Variants in ATG7 observed in about 807,000 individuals in gnomAD.
ATG7 encodes the protein autophagy related 7.
In ATG7, 70 loss-of-function variants were observed where a neutral mutation model predicts 82.4. The observed-to-expected ratio is 0.85, with a 90% CI of 0.70 to 1.04. The LOEUF is 1.04. Ranked by LOEUF, ATG7 falls within the 50% of genes least tolerant of loss-of-function variation. The pLI, the probability that ATG7 is intolerant of heterozygous loss-of-function variation, is 0.00. For synonymous variants in ATG7, 287 were observed against 313.0 expected (o/e 0.92, Z 0.88); for missense variants, 792 against 864.3 (o/e 0.92, Z 1.05).
At chr3:11,573,387 GAAAGAAAGAAAA>G in the ATG7 span, among the ~76,000 whole-genome samples, 6 of 147,090 alleles carry the variant, frequency 4.1e-5, no homozygotes, top group African/African-American at 1.5e-4. Flanking sequence ...AAGAAAGAAA[GAAAGAAAGAAAA>G]TGGCCCCATA....
intron 20 of ATG7, among the ~76,000 whole-genome samples, chr3:11,485,034 T>C (rs1045407368): frequency 2.2e-4 from 33 of 152,158 alleles, no homozygotes; most frequent in Non-Finnish European, 4.3e-4. Flanking sequence ...AGCAGCATGA[T>C]TTATAGTCCT....
chr3:11,533,539 TAA>T (rs66794993), intron 20 of ATG7, among the ~76,000 whole-genome samples: 2,119 of 126,628 alleles, frequency 0.017, 37 homozygotes, highest in African/African-American at 0.047. Flanking sequence ...CCCCTTCTGT[TAA>T]AAAAAAAAAA....
Position 11,418,278 on chromosome 3 carries a change from T to C in ATG7, c.1957-8526T>C, listed in dbSNP as rs2081588290. ...TGTCACCATACCTGGCTATTTTTTT[T>C]TTTTTTTATATTTTGTAGAGACCTG... On this transcript the variant is annotated intron_variant, in intron 19 of 20. Transcript: ENST00000693202. 5.3e-5 allele frequency among the ~76,000 whole-genome samples: 8 copies of C among 151,498 alleles called. No individual in the cohort carries two copies. In the South Asian group the frequency reaches 1.7e-3, roughly 32 times the overall value.
chr3:11,570,968 C>T, the ATG7 span, among the ~76,000 whole-genome samples: 1 of 152,210 alleles, frequency 6.6e-6, no homozygotes, highest in South Asian at 2.1e-4. Context: ...AGCTGCGTCA[C>T]TCCTCTGTGC....
At chr3:11,476,859 C>A (rs577029612) in intron 20 of ATG7, among the ~76,000 whole-genome samples, 1 of 152,062 alleles carries the variant, frequency 6.6e-6, no homozygotes, top group African/African-American at 2.4e-5. Flanking sequence ...AACATGACTC[C>A]ACTCCCTTGT....
At chr3:11,319,155 T>C (rs548719401) in intron 9 of ATG7, among the ~76,000 whole-genome samples, 5 of 152,218 alleles carry the variant, frequency 3.3e-5, no homozygotes, top group Non-Finnish European at 7.3e-5. Context: ...AGAAGGCTTT[T>C]GCCGGGGGCA....
intron 20 of ATG7, among the ~76,000 whole-genome samples, chr3:11,480,758 G>A (rs1234785888): frequency 6.6e-6 from 1 of 152,188 alleles, no homozygotes; most frequent in African/African-American, 2.4e-5. Context: ...TCACTGCCAA[G>A]TCACACAAAT....
chr3:11,389,419 A>G (rs1464282862), intron 19 of ATG7, among the ~76,000 whole-genome samples: 1 of 140,144 alleles, frequency 7.1e-6, no homozygotes, highest in African/African-American at 2.6e-5. Context: ...TTCTTTCATT[A>G]TGAAAGTTTT....
chr3:11,406,240 C>G (rs187125088), intron 19 of ATG7, among the ~76,000 whole-genome samples: 1 of 152,202 alleles, frequency 6.6e-6, no homozygotes, highest in African/African-American at 2.4e-5. Context: ...TCTGCCCACC[C>G]CAGCCTCTCA....
intron 18 of ATG7, among the ~76,000 whole-genome samples, chr3:11,370,803 C>T (rs973138830): frequency 3.3e-5 from 5 of 151,054 alleles, no homozygotes; most frequent in Non-Finnish European, 3.0e-5. Context: ...TAATTGAATC[C>T]ACCTGATAGG....
chr3:11,512,325 G>A (rs1485379670), intron 20 of ATG7, among the ~76,000 whole-genome samples: 6 of 152,170 alleles, frequency 3.9e-5, no homozygotes, highest in Non-Finnish European at 5.9e-5. Flanking sequence ...GTCAGGCTCC[G>A]AGTTCCACCT....
At chr3:11,390,904 C>G (rs1473848140) in intron 19 of ATG7, among the ~76,000 whole-genome samples, 3 of 152,204 alleles carry the variant, frequency 2.0e-5, no homozygotes, top group Non-Finnish European at 4.4e-5. Flanking sequence ...TGAGCACTGG[C>G]TTTATCTGCT....
At chr3:11,411,826 C>G (rs539007457) in intron 19 of ATG7, among the ~76,000 whole-genome samples, 1 of 151,984 alleles carries the variant, frequency 6.6e-6, no homozygotes, top group South Asian at 2.1e-4. Context: ...CCTGTGTTTT[C>G]TTCTAAAAGT....
intron 19 of ATG7, among the ~76,000 whole-genome samples, chr3:11,394,405 A>G (rs2079050375): frequency 6.6e-6 from 1 of 152,342 alleles, no homozygotes; most frequent in African/African-American, 2.4e-5. Flanking sequence ...TCAAATCACT[A>G]TTATAAGGAG....
intron 20 of ATG7, among the ~76,000 whole-genome samples, chr3:11,537,627 G>A (rs2070432580): frequency 6.6e-6 from 1 of 152,088 alleles, no homozygotes; most frequent in Admixed American, 6.6e-5. Context: ...CATGCAACAC[G>A]AACTCCTCAG....
the ATG7 span, chr3:11,564,810 C>T: frequency 6.4e-7 from 1 of 1,567,234 alleles, no homozygotes; most frequent in Non-Finnish European, 8.6e-7. Flanking sequence ...CTGCCGCTCC[C>T]CCGGGGTCAG....
intron 20 of ATG7, among the ~76,000 whole-genome samples, chr3:11,462,388 C>T (rs899532243): frequency 1.3e-5 from 2 of 152,100 alleles, no homozygotes; most frequent in African/African-American, 2.4e-5. Flanking sequence ...GCACACCATG[C>T]AGGTCCACAG....
At chr3:11,469,326 G>C (rs1229024093) in intron 20 of ATG7, among the ~76,000 whole-genome samples, 1 of 152,156 alleles carries the variant, frequency 6.6e-6, no homozygotes, top group Non-Finnish European at 1.5e-5. Context: ...GCGCATGCCT[G>C]TGATCCCAGC....
At chr3:11,297,508 A>AGGACATGT (rs1946130502) in intron 3 of ATG7, among the ~76,000 whole-genome samples, 1 of 152,146 alleles carries the variant, frequency 6.6e-6, no homozygotes, top group Non-Finnish European at 1.5e-5. Context: ...TCCTTCTCAA[A>AGGACATGT]CTGGGGTATG....
Sources: allele counts gnomAD v4.1 joint callset (sites outside exome capture counted in the v4.1 genomes callset), GRCh38; gene constraint gnomAD v4.1.1; transcripts MANE v1.5; gene names NCBI Gene and HGNC (gene_info 2026-07-23, HGNC 2026-07-21).